SSBP2: variants seen among roughly 807,000 people sequenced by gnomAD.
SSBP2 encodes single stranded DNA binding protein 2, also known as single-stranded DNA-binding protein 2.
Under a neutral mutation model 61.8 loss-of-function variants are expected in SSBP2, and 17 were observed. The observed-to-expected ratio is 0.28, with a 90% CI of 0.19 to 0.41. The LOEUF is 0.41. Ranked by LOEUF, SSBP2 falls within the 10% of genes least tolerant of loss-of-function variation. SSBP2 has a pLI of 1.00. For synonymous variants in SSBP2, 139 were observed against 141.3 expected, an observed-to-expected ratio of 0.98 and a Z score of 0.12; for missense variants, 310 against 458.7, an observed-to-expected ratio of 0.68 and a Z score of 2.96.
At position 81,487,256 on chromosome 5, in the gene SSBP2, T is replaced by C. The variant is rs560142335; in HGVS notation, c.432+1994A>G. On this transcript the variant is annotated intron_variant, in intron 6 of 16. Coordinates refer to ENST00000320672, the MANE Select transcript of SSBP2 (RefSeq NM_012446.5). ...AAGCATTTAATTTCTTCTCGGGTTA[T>C]ATACATACAGTGCCTGTATCCTAAA... Among the ~76,000 whole-genome samples the C allele has an allele frequency of 2.0e-5, 3 of 152,360 alleles. No individual in the cohort carries two copies. The South Asian group carries it at 6.2e-4, about 32-fold the overall frequency.
At chr5:81,711,214 G>T (rs1312054078) in intron 1 of SSBP2, among the ~76,000 whole-genome samples, 1 of 152,024 alleles carries the variant, frequency 6.6e-6, no homozygotes, top group Non-Finnish European at 1.5e-5. Context: ...TTGTCTTTAA[G>T]AGCATCTTTC....
At chr5:81,654,752 C>G (rs766759673) in intron 1 of SSBP2, among the ~76,000 whole-genome samples, 1 of 152,088 alleles carries the variant, frequency 6.6e-6, no homozygotes, top group Non-Finnish European at 1.5e-5. Flanking sequence ...CAAATGATTC[C>G]GGCAGAGGGG....
At chr5:81,623,737 AG>A (rs1241853761) in intron 3 of SSBP2, among the ~76,000 whole-genome samples, 7 of 152,134 alleles carry the variant, frequency 4.6e-5, no homozygotes, top group Non-Finnish European at 4.4e-5. Context: ...AATAAACATC[AG>A]AAATAATTAT....
intron 4 of SSBP2, among the ~76,000 whole-genome samples, chr5:81,570,652 C>A (rs937825948): frequency 1.2e-4 from 18 of 152,184 alleles, no homozygotes; most frequent in African/African-American, 4.1e-4. Context: ...CCAGTTAAAT[C>A]ATATTCCTGC....
At chr5:81,434,281 T>G (rs1580671309) in intron 15 of SSBP2, among the ~76,000 whole-genome samples, 1 of 152,086 alleles carries the variant, frequency 6.6e-6, no homozygotes, top group East Asian at 1.9e-4. Context: ...TTTAAAAATA[T>G]GTGATACTGG....
At chr5:81,712,068 T>G (rs1323556327) in intron 1 of SSBP2, among the ~76,000 whole-genome samples, 1 of 151,298 alleles carries the variant, frequency 6.6e-6, no homozygotes, top group Non-Finnish European at 1.5e-5. Flanking sequence ...GGATTACCTA[T>G]TGTAGCTATT....
chr5:81,432,288 C>A (rs923691875), intron 15 of SSBP2, among the ~76,000 whole-genome samples: 1 of 151,826 alleles, frequency 6.6e-6, no homozygotes, highest in African/African-American at 2.4e-5. Flanking sequence ...AGCCAAAATT[C>A]TTGGGGTCAG....
intron 4 of SSBP2, among the ~76,000 whole-genome samples, chr5:81,595,198 A>T (rs1381029248): frequency 6.6e-6 from 1 of 152,138 alleles, no homozygotes; most frequent in East Asian, 1.9e-4. Flanking sequence ...TACCATCAGA[A>T]AATACTATAA....
chr5:81,700,772 T>A (rs1309334284), intron 1 of SSBP2, among the ~76,000 whole-genome samples: 1 of 152,240 alleles, frequency 6.6e-6, no homozygotes, highest in African/African-American at 2.4e-5. Flanking sequence ...TTACACCTCA[T>A]GAACCAACCT....
chr5:81,439,194 AT>A (rs376609743), intron 14 of SSBP2, among the ~76,000 whole-genome samples: 2 of 152,232 alleles, frequency 1.3e-5, no homozygotes, highest in East Asian at 3.9e-4. Context: ...TCATGAACAT[AT>A]TTTTTCCAAC....
chr5:81,669,319 C>A (rs540622527), intron 1 of SSBP2, among the ~76,000 whole-genome samples: 1 of 152,250 alleles, frequency 6.6e-6, no homozygotes, highest in Admixed American at 6.5e-5. Flanking sequence ...AATTGTACTC[C>A]TTGGTATTTA....
At chr5:81,674,795 T>C (rs952413379) in intron 1 of SSBP2, among the ~76,000 whole-genome samples, 1 of 152,198 alleles carries the variant, frequency 6.6e-6, no homozygotes, top group African/African-American at 2.4e-5. Context: ...TGTGTTCTAA[T>C]AGGCTCATGG....
intron 4 of SSBP2, among the ~76,000 whole-genome samples, chr5:81,600,118 C>G (rs1169823677): frequency 6.6e-6 from 1 of 152,024 alleles, no homozygotes; most frequent in South Asian, 2.1e-4. Flanking sequence ...GTCTAACTGC[C>G]TTGTTAAATG....
intron 1 of SSBP2, among the ~76,000 whole-genome samples, chr5:81,661,280 T>C (rs1750672156): frequency 6.6e-6 from 1 of 152,208 alleles, no homozygotes; most frequent in Admixed American, 6.5e-5. Context: ...GTTGATTCCA[T>C]ATCTTGTCTA....
chr5:81,573,234 C>T (rs1413808246), intron 4 of SSBP2, among the ~76,000 whole-genome samples: 1 of 151,646 alleles, frequency 6.6e-6, no homozygotes, highest in Non-Finnish European at 1.5e-5. Flanking sequence ...AAACTCTGTG[C>T]TAATGTAAAT....
At chr5:81,736,842 T>C (rs1756655689) in intron 1 of SSBP2, among the ~76,000 whole-genome samples, 1 of 152,178 alleles carries the variant, frequency 6.6e-6, no homozygotes, top group Non-Finnish European at 1.5e-5. Flanking sequence ...AAGGGAGAGT[T>C]AAAAAATAAT....
rs528320537 is a variant in SSBP2, at chr5:81,414,057, T to G, written c.*6447A>C. 4 of 152,294 alleles carry G rather than the reference T, an allele frequency of 2.6e-5. No homozygotes were observed. The South Asian group carries it at 8.3e-4, about 32-fold the overall frequency. The allele number at this position is 152,294 out of a possible 1,614,324, so 9.4% of individuals were successfully genotyped here. A position where few individuals can be genotyped will look rare whatever the true frequency, so the allele number is the denominator to read the frequency against. ...TCATTTTTTCTAGGAACATTAATAGTTGCCTTTGTTATGATAATGGCACAT... is the reference window on the plus strand; with the variant it reads ...TCATTTTTTCTAGGAACATTAATAGGTGCCTTTGTTATGATAATGGCACAT... On this transcript the variant is annotated 3_prime_UTR_variant, in exon 17 of 17. Transcript: ENST00000320672.
At chr5:81,604,793 TTAAA>T (rs1744717472) in intron 4 of SSBP2, among the ~76,000 whole-genome samples, 1 of 152,160 alleles carries the variant, frequency 6.6e-6, no homozygotes, top group African/African-American at 2.4e-5. Flanking sequence ...AGCAAAGACC[TTAAA>T]TTAAGTGTTT....
intron 5 of SSBP2, among the ~76,000 whole-genome samples, chr5:81,505,030 C>G (rs1561480013): frequency 6.6e-6 from 1 of 152,216 alleles, no homozygotes; most frequent in Non-Finnish European, 1.5e-5. Context: ...TTCCACAGAA[C>G]CCCCTTAGAG....
Sources: gnomAD v4.1 joint callset for allele counts (sites outside exome capture counted in the v4.1 genomes callset) on GRCh38, gnomAD v4.1.1 for gene constraint, MANE v1.5 for transcripts, NCBI Gene and HGNC (gene_info 2026-07-23, HGNC 2026-07-21) for gene names.